SYNJ2: variants seen among roughly 807,000 people sequenced by gnomAD.
SYNJ2 encodes synaptojanin 2.
In SYNJ2, 116 loss-of-function variants were observed where a neutral mutation model predicts 141.3. The observed-to-expected ratio is 0.82, with a 90% confidence interval of 0.71 to 0.96. SYNJ2 has a LOEUF of 0.96. Ranked by LOEUF, SYNJ2 falls within the 40% of genes least tolerant of loss-of-function variation. The pLI, the probability that SYNJ2 is intolerant of heterozygous loss-of-function variation, is 0.00. For missense variants in SYNJ2, 1,873 were observed against 1,934.8 expected, an observed-to-expected ratio of 0.97 and a Z score of 0.60; for synonymous variants, 745 against 777.7, an observed-to-expected ratio of 0.96 and a Z score of 0.70.
At position 158,095,648 on chromosome 6, in the gene SYNJ2, C is replaced by T; in HGVS notation, c.3775C>T (p.Gln1259Ter). ...GTCACCGGAAGAACAGTTTGAGCAA[C>T]AGACTGTCCATTTTACAATCGGGCC... is the stretch of plus-strand genomic sequence containing the variant. ...PLSPEEQFEQ[Q>*]TVHFTIGPPE... is the part of the protein sequence containing the mutation. Residue 1259 changes from glutamine (Q) to a stop codon, truncating the protein, a stop_gained, in exon 27 of 27, where the codon CAG (glutamine) becomes TAG (stop). Coordinates refer to ENST00000355585, the MANE Select transcript of SYNJ2 (RefSeq NM_003898.4). LOFTEE classifies it low-confidence loss of function (END_TRUNC). 1.2e-6 allele frequency: 2 copies of T among 1,610,188 alleles called. No homozygotes were observed. The highest frequency in any genetic ancestry group is 1.1e-5 in the South Asian group (1 of 90,608).
At chr6:158,059,574 G>A in intron 7 of SYNJ2, 1 of 1,206,882 alleles carries the variant, frequency 8.3e-7, no homozygotes, top group Non-Finnish European at 1.0e-6. Flanking sequence ...TTTTTTTTAA[G>A]ACAGAGTTTG....
intron 7 of SYNJ2, among the ~76,000 whole-genome samples, chr6:158,059,953 C>T (rs1330945938): frequency 6.6e-6 from 1 of 152,210 alleles, no homozygotes; most frequent in Non-Finnish European, 1.5e-5. Context: ...TACCCTCCCT[C>T]CCCATGGGGC....
chr6:158,015,780 T>A lies in SYNJ2; in HGVS notation c.128-1424T>A, dbSNP rs188554413. Reference sequence around the variant, plus strand: ...TATATTGCTATACTATAACATTTTTTAAAAATTTTGATAACTAGATTTCAA... The same window carrying A: ...TATATTGCTATACTATAACATTTTTAAAAAATTTTGATAACTAGATTTCAA... On this transcript the variant is annotated intron_variant, in intron 1 of 26. Coordinates refer to ENST00000355585, the MANE Select transcript of SYNJ2 (RefSeq NM_003898.4). 1.3e-3 allele frequency among the ~76,000 whole-genome samples: 195 copies of A among 152,358 alleles called. 2 individuals carry two copies. Among genetic ancestry groups the A allele is most frequent in the South Asian group, 2.5e-3 (12 of 4,834 alleles).
intron 11 of SYNJ2, among the ~76,000 whole-genome samples, chr6:158,065,278 G>A (rs1463595767): frequency 2.0e-5 from 3 of 152,194 alleles, no homozygotes; most frequent in South Asian, 2.1e-4. Context: ...TAAACGCATC[G>A]GTGCCTTTGA....
At chr6:158,060,828 C>T (rs897820068) in intron 7 of SYNJ2, among the ~76,000 whole-genome samples, 12 of 152,244 alleles carry the variant, frequency 7.9e-5, no homozygotes, top group Non-Finnish European at 1.5e-4. Context: ...CGGGAGATGG[C>T]AGCCACCTCA....
At chr6:158,052,941 C>T (rs370354481) in intron 5 of SYNJ2, among the ~76,000 whole-genome samples, 9 of 152,208 alleles carry the variant, frequency 5.9e-5, no homozygotes, top group African/African-American at 1.7e-4. Flanking sequence ...CACCTTTTCC[C>T]GCCTTGAGTC....
Position 158,095,615 on chromosome 6 carries a change from C to G in SYNJ2, c.3745-3C>G, listed in dbSNP as rs747982507. The G allele has an allele frequency of 4.4e-6, 7 of 1,585,474 alleles. No homozygotes were observed. The Admixed American group carries it at 1.3e-4, about 29-fold the overall frequency. Reference sequence around the variant, plus strand: ...TTACACTCTTTGTCCCACCTTTTCTCAGCCCCTGTCACCGGAAGAACAGTT... The same window carrying G: ...TTACACTCTTTGTCCCACCTTTTCTGAGCCCCTGTCACCGGAAGAACAGTT... On this transcript the variant is annotated splice_region_variant and splice_polypyrimidine_tract_variant and intron_variant, in intron 26 of 26. Transcript: ENST00000355585.
chr6:158,073,091 T>C (rs2128377700), intron 15 of SYNJ2, among the ~76,000 whole-genome samples: 1 of 150,874 alleles, frequency 6.6e-6, no homozygotes, highest in South Asian at 2.1e-4. Context: ...AAAAAAGTGC[T>C]ACTTTGACAT....
chr6:158,088,033 AATTTTTTTTTTTT>A (rs1562405267), intron 23 of SYNJ2, among the ~76,000 whole-genome samples: 4 of 36,856 alleles, frequency 1.1e-4, no homozygotes, highest in Non-Finnish European at 2.3e-4. Flanking sequence ...CCTGCTTTGG[AATTTTTTTTTTTT>A]TTTTTTTTTT....
intron 4 of SYNJ2, 73 bp downstream of exon 4, chr6:158,033,753 T>C: frequency 2.7e-6 from 4 of 1,481,536 alleles, no homozygotes; most frequent in African/African-American, 2.7e-5. Flanking sequence ...CGCTTTCCAC[T>C]TGGGGCAGAA....
rs928123740 is a variant in SYNJ2 at position 157,997,560 on chromosome 6, G to A, written c.127+15472G>A. ...AGCAAGGGAAGATGCTCCTACCCACGCCTTGATCTTGGATTTCTGGCCTCC... is the reference window on the plus strand; with the variant it reads ...AGCAAGGGAAGATGCTCCTACCCACACCTTGATCTTGGATTTCTGGCCTCC... On this transcript the variant is annotated intron_variant, in intron 1 of 26. Transcript: ENST00000355585. Among the ~76,000 whole-genome samples the A allele has an allele frequency of 3.9e-5, 6 of 152,152 alleles. No homozygotes were observed. The South Asian group carries it at 8.3e-4, about 21-fold the overall frequency.
chr6:158,078,138 C>A, intron 17 of SYNJ2, 26 bp from the exon 18 acceptor site: 1 of 1,437,322 alleles, frequency 7.0e-7, no homozygotes. Context: ...CTATATGGGT[C>A]TCTCGAATGG....
intron 1 of SYNJ2, among the ~76,000 whole-genome samples, chr6:157,991,487 C>T (rs10455936): frequency 0.24 from 36,263 of 152,030 alleles, 4,539 homozygotes; most frequent in South Asian, 0.4. Context: ...GAATCCTAGC[C>T]CTGGCTCCTT....
chr6:158,023,144 G>C (rs1447860034), intron 2 of SYNJ2, among the ~76,000 whole-genome samples: 1 of 151,928 alleles, frequency 6.6e-6, no homozygotes, highest in Non-Finnish European at 1.5e-5. Flanking sequence ...TGTAGTCCCA[G>C]CTACTTGGGA....
chr6:158,093,777 C>T, intron 26 of SYNJ2: 1 of 690,432 alleles, frequency 1.4e-6, no homozygotes, highest in Non-Finnish European at 2.6e-6. Flanking sequence ...CACATGGTTT[C>T]AAGGCATTAG....
At chr6:158,036,151 T>A (rs775854113) in intron 4 of SYNJ2, among the ~76,000 whole-genome samples, 13 of 152,132 alleles carry the variant, frequency 8.5e-5, no homozygotes, top group Non-Finnish European at 1.6e-4. Context: ...TTGACTTGCG[T>A]GAATATTATT....
In SYNJ2 at chr6:158,088,679, G is replaced by A. The variant is rs1417614509; in HGVS notation, c.3363G>A (p.Lys1121=). 6.2e-7 allele frequency: 1 copy of A among 1,613,998 alleles called. No homozygotes were observed. Among genetic ancestry groups the A allele is most frequent in the Middle Eastern group, 1.7e-4 (1 of 6,054 alleles). ...TTACAGCCGGTTTAATGGTGAAAAA[G>A]TCGGCTTCAGATGCGTCCATCTCCT... ...PPPPTGLMVK[K]SASDASISSG... The change falls in exon 24 of 27, where the codon AAG becomes AAA. Residue 1121 remains lysine, a synonymous_variant. Transcript: ENST00000355585.
chr6:158,007,825 T>A (rs1262466060), intron 1 of SYNJ2, among the ~76,000 whole-genome samples: 1 of 152,148 alleles, frequency 6.6e-6, no homozygotes, highest in Non-Finnish European at 1.5e-5. Context: ...ATATTTTTAG[T>A]AGAGACTAAA....
intron 5 of SYNJ2, 134 bp from the exon 6 acceptor site, chr6:158,054,832 TG>T: frequency 1.2e-6 from 1 of 821,334 alleles, no homozygotes; most frequent in Non-Finnish European, 2.0e-6. Flanking sequence ...TCCTGAGCCC[TG>T]AAGAGACCAC....
Sources: gnomAD v4.1 joint callset for allele counts (sites outside exome capture counted in the v4.1 genomes callset) on GRCh38, gnomAD v4.1.1 for gene constraint, MANE v1.5 for transcripts, NCBI Gene and HGNC (gene_info 2026-07-23, HGNC 2026-07-21) for gene names.